The following GLRA3 variants were observed in gnomAD, a reference collection of about 807,000 sequenced individuals.
GLRA3 encodes glycine receptor subunit alpha-3.
Under a neutral mutation model 60.4 loss-of-function variants are expected in GLRA3, and 44 were observed. The observed-to-expected ratio is 0.73, with a 90% confidence interval of 0.57 to 0.94. The LOEUF is 0.94. GLRA3 is among the 40% of genes least tolerant of loss of function. The pLI is 0.00. For synonymous variants in GLRA3, 223 were observed against 192.9 expected, an observed-to-expected ratio of 1.16 and a Z score of -1.29; for missense variants, 508 against 564.6, an observed-to-expected ratio of 0.90 and a Z score of 1.02.
At chr4:174,816,372 G>A (rs1481384438) in intron 1 of GLRA3, among the ~76,000 whole-genome samples, 1 of 152,100 alleles carries the variant, frequency 6.6e-6, no homozygotes, top group East Asian at 1.9e-4. Flanking sequence ...ATATTGGAAA[G>A]CCCTGCCCCA....
intron 7 of GLRA3, among the ~76,000 whole-genome samples, chr4:174,673,569 C>T (rs1271387179): frequency 1.3e-5 from 2 of 152,024 alleles, no homozygotes; most frequent in African/African-American, 4.8e-5. Flanking sequence ...AGGGATAGCC[C>T]CGGGAGGGGA....
At chr4:174,653,419 C>T (rs6827886) in intron 9 of GLRA3, among the ~76,000 whole-genome samples, 148,535 of 151,984 alleles carry the variant, frequency 0.98, 72,667 homozygotes, top group Non-Finnish European at 1. Context: ...AAATACTTTG[C>T]TGTTGTAAGT....
intron 3 of GLRA3, among the ~76,000 whole-genome samples, chr4:174,732,320 A>C (rs1003542296): frequency 1.3e-5 from 2 of 151,214 alleles, no homozygotes; most frequent in East Asian, 3.9e-4. Flanking sequence ...ACGCCTCTGC[A>C]CTCCAGCCTG....
intron 2 of GLRA3, among the ~76,000 whole-genome samples, chr4:174,771,320 G>A (rs1011047339): frequency 1.3e-5 from 2 of 152,086 alleles, no homozygotes; most frequent in African/African-American, 2.4e-5. Flanking sequence ...TTTTCTTAAT[G>A]TGAGTCTAAT....
chr4:174,741,351 G>A (rs902434833), intron 3 of GLRA3, among the ~76,000 whole-genome samples: 5 of 152,172 alleles, frequency 3.3e-5, no homozygotes, highest in South Asian at 2.1e-4. Context: ...GTCAAGTAGT[G>A]TTTTCTACCT....
chr4:174,744,512 C>T (rs777183661), intron 3 of GLRA3, among the ~76,000 whole-genome samples: 6 of 152,182 alleles, frequency 3.9e-5, no homozygotes, highest in Non-Finnish European at 7.3e-5. Flanking sequence ...GTTCCTGTAC[C>T]CTAAACCACT....
chr4:174,721,829 ATATG>A (rs1369889437), intron 4 of GLRA3, among the ~76,000 whole-genome samples: 11 of 151,874 alleles, frequency 7.2e-5, no homozygotes, highest in African/African-American at 1.9e-4. Context: ...GTGTGTATAT[ATATG>A]TGTGTGTATA....
At chr4:174,665,628 T>G (rs2110912792) in intron 7 of GLRA3, among the ~76,000 whole-genome samples, 1 of 152,302 alleles carries the variant, frequency 6.6e-6, no homozygotes, top group Admixed American at 6.6e-5. Context: ...TAACAAAATA[T>G]GTATTGATAG....
At chr4:174,802,777 C>G (rs1283872196) in intron 1 of GLRA3, among the ~76,000 whole-genome samples, 1 of 152,080 alleles carries the variant, frequency 6.6e-6, no homozygotes, top group African/African-American at 2.4e-5. Flanking sequence ...AAACTTGAGT[C>G]ATCAAAATCA....
At chr4:174,712,249 CT>C (rs1440954421) in intron 5 of GLRA3, among the ~76,000 whole-genome samples, 1 of 151,984 alleles carries the variant, frequency 6.6e-6, no homozygotes, top group Non-Finnish European at 1.5e-5. Context: ...TAATTTTGTT[CT>C]TCTCTTATTC....
intron 4 of GLRA3, chr4:174,722,492 G>A (rs953809472): frequency 5.9e-5 from 9 of 152,098 alleles, no homozygotes; most frequent in African/African-American, 1.9e-4. Flanking sequence ...CTATGTTGAC[G>A]TAGGTTTCCA....
intron 3 of GLRA3, among the ~76,000 whole-genome samples, chr4:174,732,938 C>T (rs116261289): frequency 6.6e-6 from 1 of 152,050 alleles, no homozygotes; most frequent in East Asian, 1.9e-4. Context: ...GTGAATTATA[C>T]AGGTATCTTT....
chr4:174,784,851 A>T (rs1221666533), intron 2 of GLRA3, among the ~76,000 whole-genome samples: 1 of 152,054 alleles, frequency 6.6e-6, no homozygotes, highest in African/African-American at 2.4e-5. Flanking sequence ...ATGTCAAATT[A>T]TCCTAAAGGC....
chr4:174,641,465 G>A lies in GLRA3; in HGVS notation c.*2321C>T, dbSNP rs1732619128. 6.6e-6 allele frequency: 1 copy of A among 152,022 alleles called. No homozygotes were observed. Among genetic ancestry groups the A allele is most frequent in the African/African-American group, 2.4e-5 (1 of 41,422 alleles). The allele number at this position is 152,022 out of a possible 1,614,324, so 9.4% of individuals were successfully genotyped here. A position where few individuals can be genotyped will look rare whatever the true frequency, so the allele number is the denominator to read the frequency against. ...ATGCACCTTGTCACTGTTGCCTTGT[G>A]AGTGAAAGCTGTTAAAGTATTTTCT... On this transcript the variant is annotated 3_prime_UTR_variant, in exon 10 of 10. Coordinates refer to ENST00000274093, the MANE Select transcript of GLRA3 (RefSeq NM_006529.4).
chr4:174,668,635 G>T (rs1386930097), intron 7 of GLRA3, among the ~76,000 whole-genome samples: 1 of 152,076 alleles, frequency 6.6e-6, no homozygotes, highest in Admixed American at 6.6e-5. Context: ...TCTAGAAATA[G>T]AAATTTAAAT....
In GLRA3 at chr4:174,677,084, C is replaced by T; in HGVS notation, c.921G>A (p.Leu307=). 1 of 1,601,710 alleles carries T rather than the reference C, an allele frequency of 6.2e-7. No homozygotes were observed. Among genetic ancestry groups the T allele is most frequent in the Non-Finnish European group, 8.6e-7 (1 of 1,168,862 alleles). ...TTQSSGSRAS[L]PKVSYVKAID... ...GCTCATTCAGTGCACTTACTTTTGG[C>T]AAGGAAGCTCGTGATCCTGAACTCT... The change falls in exon 7 of 10, where the codon TTG becomes TTA. Residue 307 remains leucine (L), a synonymous_variant. Transcript: ENST00000274093.
At position 174,643,961 on chromosome 4, in the gene GLRA3, A is replaced by G; in HGVS notation, c.1220T>C (p.Val407Ala). The change falls in exon 10 of 10, where the codon GTC becomes GCC. Residue 407 changes from valine to alanine, a missense_variant. Physicochemically the swap from Val to Ala is moderately conservative, Grantham distance 64 (BLOSUM62 0). Coordinates refer to ENST00000274093, the MANE Select transcript of GLRA3 (RefSeq NM_006529.4). ...GMTPKGPNHP[V>A]QVMPKSPDEM... is the part of the protein sequence containing the mutation. ...ATCAGGACTTTTTGGCATTACCTGGACAGGGTGGTTGGGGCCCTTTGGAGT... is the reference window on the plus strand; with the variant it reads ...ATCAGGACTTTTTGGCATTACCTGGGCAGGGTGGTTGGGGCCCTTTGGAGT... 7 of 1,613,950 alleles carry G rather than the reference A, an allele frequency of 4.3e-6. No individual in the cohort carries two copies. Among genetic ancestry groups the G allele is most frequent in the Non-Finnish European group, 5.9e-6 (7 of 1,179,888 alleles).
rs550621727 is a variant in GLRA3 at position 174,781,050 on chromosome 4, C to T, written c.199+7766G>A. ...CGTACCACACCTATTCCAAAATTGACCACATACTTGGAAGTAAAGCTCTCC... is the reference window on the plus strand; with the variant it reads ...CGTACCACACCTATTCCAAAATTGATCACATACTTGGAAGTAAAGCTCTCC... On this transcript the variant is annotated intron_variant, in intron 2 of 9. Coordinates refer to ENST00000274093, the MANE Select transcript of GLRA3 (RefSeq NM_006529.4). Among the ~76,000 whole-genome samples the T allele has an allele frequency of 3.1e-3, 466 of 152,032 alleles. 4 individuals are homozygous for T. The highest frequency in any genetic ancestry group is 0.01 in the African/African-American group (432 of 41,462).
chr4:174,701,925 A>C (rs1477050552), intron 5 of GLRA3, among the ~76,000 whole-genome samples: 6 of 152,236 alleles, frequency 3.9e-5, no homozygotes, highest in African/African-American at 9.6e-5. Context: ...TGGTTTCTTG[A>C]GATGAAATCT....
Sources: allele counts gnomAD v4.1 joint callset (sites outside exome capture counted in the v4.1 genomes callset), GRCh38; gene constraint gnomAD v4.1.1; transcripts MANE v1.5; gene names NCBI Gene and HGNC (gene_info 2026-07-23, HGNC 2026-07-21).